The following VAC14 variants were observed in gnomAD, a reference collection of about 807,000 sequenced individuals.
VAC14 encodes VAC14 component of PIKFYVE complex.
A neutral mutation model predicts 85.3 loss-of-function variants in VAC14; 47 were observed. The ratio of observed to expected loss-of-function variants is 0.55; its 90% CI spans 0.44 to 0.70. VAC14 has a LOEUF of 0.70. VAC14 is among the 30% of genes least tolerant of loss of function. The pLI is 0.00. For synonymous variants in VAC14, 447 were observed against 430.5 expected, an observed-to-expected ratio of 1.04 and a Z score of -0.47; for missense variants, 861 against 1,004.3, an observed-to-expected ratio of 0.86 and a Z score of 1.93.
intron 12 of VAC14, among the ~76,000 whole-genome samples, chr16:70,760,960 A>AGGGG (rs1309116441): frequency 3.0e-4 from 17 of 56,508 alleles, no homozygotes; most frequent in South Asian, 7.0e-4. Context: ...GCACGAAGAG[A>AGGGG]GGGTGTGTGT....
At chr16:70,736,307 T>C (rs983645314) in intron 13 of VAC14, among the ~76,000 whole-genome samples, 1 of 152,208 alleles carries the variant, frequency 6.6e-6, no homozygotes, top group African/African-American at 2.4e-5. Context: ...TCCTTTTTAT[T>C]AGCAAGCGTC....
rs745753770 is a variant in VAC14 at position 70,744,410 on chromosome 16, G to A, written c.1528+13C>T. On this transcript the variant is annotated intron_variant, in intron 13 of 18. Transcript: ENST00000261776. ...AAGGCCCCTGAGGCTAGAACCTTCA[G>A]GAGAAGACTTACCAGAGGTGTTCAG... The A allele has an allele frequency of 6.2e-7, 1 of 1,613,968 alleles. No homozygotes were observed. Among genetic ancestry groups the A allele is most frequent in the Admixed American group, 1.7e-5 (1 of 60,018 alleles).
chr16:70,770,321 C>G (rs1188447437), intron 10 of VAC14: 2 of 152,468 alleles, frequency 1.3e-5, no homozygotes, highest in African/African-American at 4.8e-5. Context: ...CCAGCCTGAG[C>G]CCCCATCCCC....
At chr16:70,691,884 G>A (rs1041014427) in intron 18 of VAC14, 1 of 985,196 alleles carries the variant, frequency 1.0e-6, no homozygotes, top group African/African-American at 1.7e-5. Flanking sequence ...TGTGTCCATC[G>A]CAAAGGCGAG....
intron 1 of VAC14, among the ~76,000 whole-genome samples, chr16:70,787,449 G>T (rs1490173992): frequency 6.6e-6 from 1 of 152,202 alleles, no homozygotes; most frequent in African/African-American, 2.4e-5. Flanking sequence ...TGGGAGGGAG[G>T]GGCTGCTGGT....
chr16:70,783,305 C>T (rs2033898615), intron 6 of VAC14, 140 bp downstream of exon 6: 3 of 1,052,720 alleles, frequency 2.8e-6, no homozygotes, highest in Non-Finnish European at 4.2e-6. Context: ...GCTCTTGGCT[C>T]CTCAAAGCGG....
chr16:70,758,614 T>C (rs2032062711), intron 12 of VAC14, among the ~76,000 whole-genome samples: 2 of 152,220 alleles, frequency 1.3e-5, no homozygotes, highest in African/African-American at 4.8e-5. Flanking sequence ...GGTATGGCCA[T>C]CTTACAGGCA....
intron 13 of VAC14, among the ~76,000 whole-genome samples, chr16:70,733,562 C>G (rs1383268908): frequency 1.3e-5 from 2 of 151,960 alleles, no homozygotes; most frequent in Non-Finnish European, 2.9e-5. Context: ...AATGGGTTAG[C>G]ACCATCCCCT....
chr16:70,784,312 C>G, intron 4 of VAC14, 92 bp from the exon 5 acceptor site: 1 of 1,000,040 alleles, frequency 1.0e-6, no homozygotes, highest in Non-Finnish European at 1.5e-6. Flanking sequence ...CTCCAGCGCT[C>G]AGGCGGCCAC....
chr16:70,793,245 C>T (rs568901934), intron 1 of VAC14, among the ~76,000 whole-genome samples: 3 of 152,332 alleles, frequency 2.0e-5, no homozygotes, highest in Non-Finnish European at 4.4e-5. Context: ...GGCTCTAGCG[C>T]TGGTCTTCTG....
At chr16:70,769,524 C>T (rs1203080257) in intron 10 of VAC14, 1 of 152,268 alleles carries the variant, frequency 6.6e-6, no homozygotes, top group Non-Finnish European at 1.5e-5. Flanking sequence ...GTGACACTGA[C>T]TGTGCAGCTG....
intron 14 of VAC14, among the ~76,000 whole-genome samples, chr16:70,708,554 TG>T (rs2053966589): frequency 6.6e-6 from 1 of 152,218 alleles, no homozygotes; most frequent in Admixed American, 6.5e-5. Context: ...AGCAGGTGTT[TG>T]ACTCACAATG....
At chr16:70,738,886 T>G (rs1567553930) in intron 13 of VAC14, among the ~76,000 whole-genome samples, 2 of 152,178 alleles carry the variant, frequency 1.3e-5, no homozygotes, top group Admixed American at 6.5e-5. Context: ...AGCCTCCGCA[T>G]GCACTTCCAG....
At chr16:70,770,911 G>A (rs542068852) in intron 10 of VAC14, 14 of 152,340 alleles carry the variant, frequency 9.2e-5, no homozygotes, top group Admixed American at 9.2e-4. Flanking sequence ...GCTGAGGGAT[G>A]AGGATAAGTT....
At chr16:70,698,240 G>T (rs560415291) in intron 15 of VAC14, among the ~76,000 whole-genome samples, 1 of 152,308 alleles carries the variant, frequency 6.6e-6, no homozygotes, top group South Asian at 2.1e-4. Flanking sequence ...TGATTCGCCA[G>T]CAAGGTTATA....
intron 14 of VAC14, among the ~76,000 whole-genome samples, chr16:70,722,599 A>G (rs1266271567): frequency 6.6e-6 from 1 of 152,200 alleles, no homozygotes; most frequent in Admixed American, 6.5e-5. Flanking sequence ...CCGGGACAAG[A>G]GAAAGAGCTT....
At chr16:70,750,827 GGT>G (rs2031322206) in intron 12 of VAC14, among the ~76,000 whole-genome samples, 1 of 151,964 alleles carries the variant, frequency 6.6e-6, no homozygotes, top group Non-Finnish European at 1.5e-5. Flanking sequence ...AGGAGACCTC[GGT>G]GTGGAAAGCT....
In VAC14 at chr16:70,800,845, T is replaced by G; in HGVS notation, c.56A>C (p.Asn19Thr). Residue 19 changes from asparagine (N) to threonine (T), a missense_variant, in exon 1 of 19, where the codon AAT becomes ACT. This residue lies in a region of VAC14 where 629 missense variants were observed against 703.1 expected (regional missense o/e 0.89). Transcript: ENST00000261776. The part of the protein sequence containing the change: ...PLTPNIVRAL[N>T]DKLYEKRKVA... ...CTTCCGCTTTTCGTACAGCTTGTCATTGAGGGCGCGCACGATGTTAGGCGT... is the reference window on the plus strand; with the variant it reads ...CTTCCGCTTTTCGTACAGCTTGTCAGTGAGGGCGCGCACGATGTTAGGCGT... The G allele has an allele frequency of 6.2e-7, 1 of 1,609,406 alleles. No homozygotes were observed. Among genetic ancestry groups the G allele is most frequent in the Non-Finnish European group, 8.5e-7 (1 of 1,177,956 alleles).
intron 13 of VAC14, among the ~76,000 whole-genome samples, chr16:70,737,124 G>A (rs560542177): frequency 1.3e-5 from 2 of 152,330 alleles, no homozygotes; most frequent in South Asian, 2.1e-4. Flanking sequence ...GACTACAGGA[G>A]AAATGGGCCC....
Sources: gnomAD v4.1 joint callset for allele counts (sites outside exome capture counted in the v4.1 genomes callset) on GRCh38, gnomAD v4.1.1 for gene constraint, gnomAD v4.1.1 regional missense constraint, MANE v1.5 for transcripts, NCBI Gene and HGNC (gene_info 2026-07-23, HGNC 2026-07-21) for gene names.